Variants in DOCK8 observed in about 807,000 individuals in gnomAD.
DOCK8 encodes dedicator of cytokinesis 8, also known as dedicator of cytokinesis protein 8.
A neutral mutation model predicts 245.6 loss-of-function variants in DOCK8; 141 were observed. That is an observed-to-expected ratio of 0.57 (90% CI 0.50 to 0.66). DOCK8 has a LOEUF of 0.66. DOCK8 is among the 30% of genes least tolerant of loss of function. The probability of loss-of-function intolerance (pLI) is 0.00; values close to 1 mark genes in which losing one functional copy is unlikely to be tolerated. For missense variants in DOCK8, 2,965 were observed against 2,603.4 expected (o/e 1.14, Z -3.02); for synonymous variants, 1,168 against 970.2 (o/e 1.20, Z -3.79).
intron 14 of DOCK8, among the ~76,000 whole-genome samples, chr9:352,172 C>T (rs2052203786): frequency 6.6e-6 from 1 of 152,100 alleles, no homozygotes; most frequent in South Asian, 2.1e-4. Flanking sequence ...AGATAGCTGC[C>T]TGCAAAGCTG....
At chr9:386,687 C>G (rs1003465283) in intron 23 of DOCK8, among the ~76,000 whole-genome samples, 1 of 152,166 alleles carries the variant, frequency 6.6e-6, no homozygotes, top group African/African-American at 2.4e-5. Context: ...ATCGCTGGAC[C>G]CTACCTCCTG....
intron 26 of DOCK8, among the ~76,000 whole-genome samples, chr9:404,329 TTC>T (rs2055314078): frequency 6.6e-6 from 1 of 152,118 alleles, no homozygotes; most frequent in Admixed American, 6.6e-5. Flanking sequence ...CTAGCTTTCT[TTC>T]TCTTTCTTCT....
At chr9:420,830 C>A (rs1260931822) in intron 31 of DOCK8, 119 bp from the exon 32 acceptor site, 2 of 1,420,164 alleles carry the variant, frequency 1.4e-6, no homozygotes, top group South Asian at 1.2e-5. Context: ...AGAGCAGCAT[C>A]TCAGTGAAGC....
intron 22 of DOCK8, among the ~76,000 whole-genome samples, chr9:385,804 ATCTT>A (rs1439968729): frequency 6.6e-6 from 1 of 152,190 alleles, no homozygotes; most frequent in African/African-American, 2.4e-5. Context: ...GACAGCCTTG[ATCTT>A]TCTATTTTTC....
At chr9:316,640 C>G (rs1173787333) in intron 6 of DOCK8, among the ~76,000 whole-genome samples, 1 of 152,140 alleles carries the variant, frequency 6.6e-6, no homozygotes, top group Non-Finnish European at 1.5e-5. Context: ...ATCTGAAACT[C>G]ACATACTTAC....
intron 38 of DOCK8, 102 bp from the exon 39 acceptor site, chr9:434,680 AG>A (rs1411287663): frequency 2.5e-6 from 3 of 1,221,226 alleles, no homozygotes; most frequent in Non-Finnish European, 3.5e-6. Flanking sequence ...GGAGGGGTAC[AG>A]GGAACTCTTG....
At chr9:214,575 C>T (rs1370847278), upstream of DOCK8, 5 of 1,613,960 alleles carry the variant, frequency 3.1e-6, no homozygotes, top group African/African-American at 5.3e-5. Context: ...TGCCTACATT[C>T]CCTGGCAGCC....
At chr9:385,404 T>C (rs973774052) in intron 22 of DOCK8, among the ~76,000 whole-genome samples, 1 of 152,250 alleles carries the variant, frequency 6.6e-6, no homozygotes, top group Non-Finnish European at 1.5e-5. Flanking sequence ...AACTTCTCTG[T>C]AAATCTAATA....
In DOCK8 at chr9:414,832, G is replaced by A. The variant is rs775333595; in HGVS notation, c.3581G>A (p.Ser1194Asn). The A allele has an allele frequency of 6.2e-7, 1 of 1,614,204 alleles. No homozygotes were observed. The highest frequency in any genetic ancestry group is 8.5e-7 in the Non-Finnish European group (1 of 1,180,032). Residue 1194 changes from serine (S) to asparagine (N), a missense_variant, in exon 29 of 48, where the codon AGT (serine) becomes AAT (asparagine). By Grantham distance (46) the Ser-to-Asn change is conservative. This residue lies in a region of DOCK8 where 2,825 missense variants were observed against 2,453.5 expected (regional missense o/e 1.15). Transcript: ENST00000432829. ...KAVSAIHSLL[S>N]SHDLDPRCVK... is the part of the protein sequence containing the mutation. ...GTCAGTGCAATTCACAGCCTGCTAA[G>A]TTCTCACGACCTGGACCCACGCTGT...
chr9:410,847 A>G (rs2131577954), intron 28 of DOCK8, among the ~76,000 whole-genome samples: 1 of 152,362 alleles, frequency 6.6e-6, no homozygotes, highest in East Asian at 1.9e-4. Context: ...GAAAAAAGGA[A>G]GAAGACTCAA....
chr9:364,568 A>C (rs2131149847), intron 14 of DOCK8, among the ~76,000 whole-genome samples: 1 of 150,130 alleles, frequency 6.7e-6, no homozygotes, highest in East Asian at 2.0e-4. Context: ...CAGGAGGTCA[A>C]GGCTGCAGTA....
chr9:415,092 T>C, intron 29 of DOCK8, 141 bp downstream of exon 29: 3 of 1,198,148 alleles, frequency 2.5e-6, no homozygotes, highest in South Asian at 1.2e-5. Flanking sequence ...CAAACCTCTT[T>C]AACACTGGCC....
At chr9:424,519 C>T (rs2056407595) in intron 33 of DOCK8, among the ~76,000 whole-genome samples, 1 of 152,144 alleles carries the variant, frequency 6.6e-6, no homozygotes, top group South Asian at 2.1e-4. Context: ...AAACAATCCT[C>T]CCACCTCAGC....
intron 12 of DOCK8, 110 bp downstream of exon 12, chr9:336,828 A>C: frequency 1.6e-6 from 2 of 1,289,584 alleles, no homozygotes; most frequent in South Asian, 1.2e-5. Flanking sequence ...AGTTAAGCTC[A>C]CTCTCTTAGT....
At chr9:422,003 G>T (rs763720221) in intron 32 of DOCK8, 45 bp from the exon 33 acceptor site, 1 of 1,512,530 alleles carries the variant, frequency 6.6e-7, no homozygotes, top group East Asian at 2.3e-5. Context: ...ATCTTGGAGG[G>T]TTTCATGCTA....
upstream of DOCK8, chr9:214,706 G>C (rs540473): frequency 0.45 from 703,195 of 1,555,630 alleles, 161,786 homozygotes; most frequent in East Asian, 0.72. Context: ...CCCCAGTATC[G>C]GGAGGCCAGT....
At chr9:376,510 G>A in intron 19 of DOCK8, among the ~76,000 whole-genome samples, 1 of 152,204 alleles carries the variant, frequency 6.6e-6, no homozygotes, top group East Asian at 1.9e-4. Context: ...GCACCTAAAG[G>A]AAAGAACCTA....
chr9:319,134 C>T (rs558191375), intron 7 of DOCK8, among the ~76,000 whole-genome samples: 1 of 152,084 alleles, frequency 6.6e-6, no homozygotes, highest in Non-Finnish European at 1.5e-5. Flanking sequence ...CCCTCTCTAC[C>T]AAAAACTAAC....
At chr9:455,501 C>T (rs568029644) in intron 46 of DOCK8, among the ~76,000 whole-genome samples, 2 of 152,154 alleles carry the variant, frequency 1.3e-5, no homozygotes, top group South Asian at 4.2e-4. Context: ...CAGAGAAAGA[C>T]CCTGTCTCAA....
Sources: allele counts gnomAD v4.1 joint callset (sites outside exome capture counted in the v4.1 genomes callset), GRCh38; gene constraint gnomAD v4.1.1; regional missense constraint gnomAD v4.1.1; transcripts MANE v1.5; gene names NCBI Gene and HGNC (gene_info 2026-07-23, HGNC 2026-07-21).